The following HPF1 variants were observed in gnomAD, a reference collection of about 807,000 sequenced individuals.
The protein encoded by HPF1 is UPF0609 protein C4orf27.
A neutral mutation model predicts 38.8 loss-of-function variants in HPF1; 35 were observed. The observed-to-expected ratio is 0.90, with a 90% CI of 0.69 to 1.19. HPF1 has a LOEUF of 1.19. Among genes scored for constraint, HPF1 ranks in the 50% most tolerant of loss-of-function variants. The pLI is 0.00. For missense variants in HPF1, 367 were observed against 405.8 expected, an observed-to-expected ratio of 0.90 and a Z score of 0.82; for synonymous variants, 115 against 139.2, an observed-to-expected ratio of 0.83 and a Z score of 1.22.
At chr4:169,755,857 A>G (rs1734182250) in intron 1 of HPF1, among the ~76,000 whole-genome samples, 1 of 152,250 alleles carries the variant, frequency 6.6e-6, no homozygotes, top group Non-Finnish European at 1.5e-5. Context: ...GAACACGTGT[A>G]GATGTAGAGC....
intron 4 of HPF1, among the ~76,000 whole-genome samples, chr4:169,745,002 C>T (rs1412901738): frequency 6.6e-6 from 1 of 151,996 alleles, no homozygotes; most frequent in African/African-American, 2.4e-5. Flanking sequence ...GCCAAGATAA[C>T]CTGAAAGACC....
chr4:169,757,645 T>C (rs1457903850), intron 1 of HPF1, among the ~76,000 whole-genome samples, 185 bp downstream of exon 1: 1 of 152,218 alleles, frequency 6.6e-6, no homozygotes, highest in Non-Finnish European at 1.5e-5. Context: ...GAGGAGCTAC[T>C]TTCCTGGTCC....
chr4:169,747,329 G>A (rs1445353345), intron 4 of HPF1, among the ~76,000 whole-genome samples: 1 of 151,876 alleles, frequency 6.6e-6, no homozygotes, highest in African/African-American at 2.4e-5. Context: ...AAACTGAGAG[G>A]TATTAGAAAA....
intron 7 of HPF1, 96 bp downstream of exon 7, chr4:169,731,608 G>T: frequency 1.1e-6 from 1 of 877,212 alleles, no homozygotes; most frequent in Non-Finnish European, 1.6e-6. Context: ...TGGAATTTGG[G>T]GGTATAAATG....
intron 1 of HPF1, among the ~76,000 whole-genome samples, chr4:169,756,165 C>T (rs1734186160): frequency 1.3e-5 from 2 of 152,172 alleles, no homozygotes; most frequent in Admixed American, 1.3e-4. Flanking sequence ...GTTCTAAGCA[C>T]CTTCTGTGGA....
rs115897123 is a variant in HPF1, at chr4:169,752,531, G to A, written c.208+1145C>T. 5.2e-3 allele frequency among the ~76,000 whole-genome samples: 791 copies of A among 152,118 alleles called. 10 individuals are homozygous for A. The highest frequency in any genetic ancestry group is 0.017 in the African/African-American group (721 of 41,512). On this transcript the variant is annotated intron_variant, in intron 2 of 7. Transcript: ENST00000393381. ...CTTTATCCTTTCAGAGACAAAATAA[G>A]CACACAGAAAAGTATACAGGGATAT...
At chr4:169,734,035 G>A (rs1733863770) in intron 6 of HPF1, among the ~76,000 whole-genome samples, 2 of 152,168 alleles carry the variant, frequency 1.3e-5, no homozygotes, top group Admixed American at 1.3e-4. Context: ...GTCACAAAAT[G>A]TGTTGTTCCC....
At chr4:169,738,042 A>G (rs1386204336) in intron 5 of HPF1, among the ~76,000 whole-genome samples, 1 of 152,188 alleles carries the variant, frequency 6.6e-6, no homozygotes, top group African/African-American at 2.4e-5. Flanking sequence ...TACATCCTAG[A>G]AGGCAAGTCA....
At chr4:169,747,806 G>T (rs979624799) in intron 4 of HPF1, among the ~76,000 whole-genome samples, 44 of 152,168 alleles carry the variant, frequency 2.9e-4, no homozygotes, top group African/African-American at 1.0e-3. Flanking sequence ...GTGCTTCCAC[G>T]ATCTCCATCA....
At position 169,757,892 on chromosome 4, in the gene HPF1, G is replaced by A. The variant is rs1267970058; in HGVS notation, c.-15C>T. The A allele has an allele frequency of 4.5e-6, 7 of 1,549,424 alleles. No individual in the cohort carries two copies. The highest frequency in any genetic ancestry group is 4.1e-5 in the African/African-American group (3 of 73,332). On this transcript the variant is annotated 5_prime_UTR_variant, in exon 1 of 8. Transcript: ENST00000393381. ...CCGCCGACCATTCTGCAGCTGCAGC[G>A]CCAGCAGAATTCCCCGATCCGCGGC...
Position 169,757,827 on chromosome 4 carries a change from T to C in HPF1, c.48+3A>G. On this transcript the variant is annotated splice_donor_region_variant and intron_variant, in intron 1 of 7. Transcript: ENST00000393381. Reference sequence around the variant, plus strand: ...GTAGCCCGCACAGCCTTTCCGGCAGTACCTGCGGCCCCTCTCCGCCGGGCC... The same window carrying C: ...GTAGCCCGCACAGCCTTTCCGGCAGCACCTGCGGCCCCTCTCCGCCGGGCC... The C allele has an allele frequency of 6.4e-7, 1 of 1,563,278 alleles. No homozygotes were observed. The highest frequency in any genetic ancestry group is 8.6e-7 in the Non-Finnish European group (1 of 1,161,386).
At chr4:169,757,705 A>G in intron 1 of HPF1, 125 bp downstream of exon 1, 2 of 988,068 alleles carry the variant, frequency 2.0e-6, no homozygotes, top group Non-Finnish European at 3.0e-6. Context: ...TCCCCGCAGC[A>G]AACCGCAGCC....
At chr4:169,741,506 T>C (rs1274935778) in intron 5 of HPF1, among the ~76,000 whole-genome samples, 4 of 152,012 alleles carry the variant, frequency 2.6e-5, no homozygotes, top group Non-Finnish European at 5.9e-5. Flanking sequence ...TACAAAATAC[T>C]CCCCTCATAT....
At chr4:169,756,654 A>G (rs1734191642) in intron 1 of HPF1, among the ~76,000 whole-genome samples, 2 of 152,228 alleles carry the variant, frequency 1.3e-5, no homozygotes, top group Admixed American at 6.5e-5. Context: ...ATGTTATTAT[A>G]TGTAAAAATA....
intron 6 of HPF1, among the ~76,000 whole-genome samples, chr4:169,732,829 GTGTC>G (rs1335033592): frequency 6.6e-6 from 1 of 152,138 alleles, no homozygotes; most frequent in Non-Finnish European, 1.5e-5. Flanking sequence ...TATTTACATA[GTGTC>G]TACTTTATAT....
intron 4 of HPF1, among the ~76,000 whole-genome samples, chr4:169,748,145 T>A (rs1370665907): frequency 6.6e-6 from 1 of 152,134 alleles, no homozygotes; most frequent in Non-Finnish European, 1.5e-5. Context: ...GAACCATACA[T>A]AAGAAATAAA....
chr4:169,734,600 C>T (rs910266596), intron 6 of HPF1, among the ~76,000 whole-genome samples: 4 of 152,116 alleles, frequency 2.6e-5, no homozygotes, highest in Admixed American at 6.5e-5. Context: ...AACTGAAACC[C>T]AAACTTAAAG....
intron 3 of HPF1, among the ~76,000 whole-genome samples, chr4:169,749,315 C>T (rs1045052364): frequency 5.3e-5 from 8 of 152,220 alleles, no homozygotes; most frequent in Middle Eastern, 3.4e-3. Context: ...CCTCAAACAA[C>T]GGACAACAGT....
intron 1 of HPF1, among the ~76,000 whole-genome samples, chr4:169,755,831 TG>T (rs1734181854): frequency 6.6e-6 from 1 of 152,200 alleles, no homozygotes; most frequent in Non-Finnish European, 1.5e-5. Context: ...GGAAGAAGGC[TG>T]AACGGATAGG....
Sources: gnomAD v4.1 joint callset for allele counts (sites outside exome capture counted in the v4.1 genomes callset) on GRCh38, gnomAD v4.1.1 for gene constraint, MANE v1.5 for transcripts, NCBI Gene and HGNC (gene_info 2026-07-23, HGNC 2026-07-21) for gene names.